TRPM3: variants seen among roughly 807,000 people sequenced by gnomAD.
TRPM3 encodes the protein transient receptor potential cation channel subfamily M member 3.
Under a neutral mutation model 181.2 loss-of-function variants are expected in TRPM3, and 77 were observed. That is an observed-to-expected ratio of 0.42 (90% confidence interval 0.35 to 0.51). The LOEUF is 0.51. Ranked by LOEUF, TRPM3 falls within the 20% of genes least tolerant of loss-of-function variation. The pLI, the probability that TRPM3 is intolerant of heterozygous loss-of-function variation, is 0.01. For missense variants in TRPM3, 1,759 were observed against 2,196.7 expected (o/e 0.80, Z 3.98); for synonymous variants, 745 against 796.4 (o/e 0.94, Z 1.09).
chr9:70,814,587 A>G (rs1453451529), intron 6 of TRPM3, among the ~76,000 whole-genome samples: 2 of 152,292 alleles, frequency 1.3e-5, no homozygotes, highest in East Asian at 1.9e-4. Flanking sequence ...AGTTTTATAC[A>G]CATCCTTTAT....
intron 9 of TRPM3, among the ~76,000 whole-genome samples, chr9:70,675,725 A>G (rs1185954779): frequency 1.3e-5 from 2 of 152,192 alleles, no homozygotes; most frequent in Non-Finnish European, 2.9e-5. Context: ...TGATTTCTAT[A>G]GATACTTTGT....
intron 1 of TRPM3, among the ~76,000 whole-genome samples, chr9:71,282,370 TGAAAGAAA>T (rs71493608): frequency 1.3e-5 from 1 of 74,868 alleles, no homozygotes; most frequent in Non-Finnish European, 2.6e-5. Context: ...AAAGAAAGAA[TGAAAGAAA>T]GAAAGAAAGG....
At chr9:70,896,668 G>A (rs975312999) in intron 1 of TRPM3, among the ~76,000 whole-genome samples, 1 of 152,080 alleles carries the variant, frequency 6.6e-6, no homozygotes, top group African/African-American at 2.4e-5. Context: ...ATCACAACTG[G>A]TATTCATTAT....
At chr9:70,774,091 C>T (rs1466204428) in intron 7 of TRPM3, 1 of 152,242 alleles carries the variant, frequency 6.6e-6, no homozygotes, top group Middle Eastern at 3.4e-3. Context: ...TACATCATTC[C>T]AGGAAGCCTC....
intron 1 of TRPM3, among the ~76,000 whole-genome samples, chr9:71,265,494 G>A (rs956318076): frequency 4.6e-5 from 7 of 152,164 alleles, no homozygotes; most frequent in African/African-American, 1.7e-4. Flanking sequence ...AATAGCTATT[G>A]CTTTTCTGTC....
At chr9:70,932,040 A>C (rs574105165) in intron 1 of TRPM3, among the ~76,000 whole-genome samples, 77 of 152,322 alleles carry the variant, frequency 5.1e-4, no homozygotes, top group African/African-American at 1.8e-3. Context: ...AGACTCAGGA[A>C]TAGCAAAGGA....
chr9:70,973,060 G>A (rs1483985046), intron 1 of TRPM3, among the ~76,000 whole-genome samples: 1 of 152,120 alleles, frequency 6.6e-6, no homozygotes, highest in East Asian at 1.9e-4. Context: ...AGATGAAACA[G>A]GTGAGACAAA....
chr9:70,687,681 T>C (rs765612181), intron 8 of TRPM3, among the ~76,000 whole-genome samples: 1 of 152,244 alleles, frequency 6.6e-6, no homozygotes, highest in Non-Finnish European at 1.5e-5. Flanking sequence ...CAAACTGATA[T>C]GGTCCCCTTT....
intron 1 of TRPM3, among the ~76,000 whole-genome samples, chr9:70,958,065 T>C (rs112196480): frequency 6.6e-6 from 1 of 152,206 alleles, no homozygotes; most frequent in East Asian, 1.9e-4. Flanking sequence ...GAAAGGAACA[T>C]GGGCTGACAA....
intron 1 of TRPM3, among the ~76,000 whole-genome samples, chr9:71,086,574 G>A (rs1301121944): frequency 2.0e-5 from 3 of 151,940 alleles, no homozygotes; most frequent in Admixed American, 1.3e-4. Flanking sequence ...ATCCTGTCAG[G>A]ATAAGAGGGA....
intron 1 of TRPM3, among the ~76,000 whole-genome samples, chr9:70,894,800 T>A (rs906372270): frequency 2.0e-5 from 3 of 152,198 alleles, no homozygotes; most frequent in Non-Finnish European, 4.4e-5. Flanking sequence ...CACTTAGTTA[T>A]ACAATATACC....
chr9:71,049,214 C>A (rs893459387), intron 1 of TRPM3, among the ~76,000 whole-genome samples: 1 of 152,038 alleles, frequency 6.6e-6, no homozygotes, highest in African/African-American at 2.4e-5. Flanking sequence ...TTATGAGGCA[C>A]AACCCGACTC....
chr9:70,754,569 C>G (rs2076730953), intron 8 of TRPM3, among the ~76,000 whole-genome samples: 2 of 152,016 alleles, frequency 1.3e-5, no homozygotes, highest in African/African-American at 4.8e-5. Context: ...AAATTGCAGG[C>G]CCAGGGAATA....
intron 1 of TRPM3, among the ~76,000 whole-genome samples, chr9:70,970,401 GT>G (rs1234303246): frequency 1.3e-5 from 2 of 152,084 alleles, no homozygotes; most frequent in Non-Finnish European, 2.9e-5. Context: ...AATTAAATCC[GT>G]ACAAAGGTTG....
chr9:70,740,933 C>T (rs1159084059), intron 8 of TRPM3, among the ~76,000 whole-genome samples: 2 of 152,160 alleles, frequency 1.3e-5, no homozygotes, highest in Non-Finnish European at 2.9e-5. Context: ...AACACGAAAG[C>T]AAATGCAACA....
At chr9:71,150,674 G>T (rs1365863096) in intron 1 of TRPM3, among the ~76,000 whole-genome samples, 1 of 151,834 alleles carries the variant, frequency 6.6e-6, no homozygotes, top group African/African-American at 2.4e-5. Context: ...AACCACAAAG[G>T]GCTAGTACTT....
intron 1 of TRPM3, among the ~76,000 whole-genome samples, chr9:70,906,312 G>A (rs78924661): frequency 0.06 from 9,094 of 152,080 alleles, 489 homozygotes; most frequent in African/African-American, 0.15. Context: ...AGAAAATCTC[G>A]AAATGGAAAT....
intron 1 of TRPM3, among the ~76,000 whole-genome samples, chr9:71,143,977 T>C (rs1587628596): frequency 6.6e-6 from 1 of 152,272 alleles, no homozygotes; most frequent in African/African-American, 2.4e-5. Flanking sequence ...GTTGGCCACA[T>C]ATATGTCTTC....
intron 1 of TRPM3, among the ~76,000 whole-genome samples, chr9:71,043,552 C>T (rs2059071393): frequency 6.6e-6 from 1 of 152,180 alleles, no homozygotes; most frequent in South Asian, 2.1e-4. Flanking sequence ...GTATTTTGGA[C>T]TTTCCTCCAT....
Sources: allele counts gnomAD v4.1 joint callset (sites outside exome capture counted in the v4.1 genomes callset), GRCh38; gene constraint gnomAD v4.1.1; transcripts MANE v1.5; gene names NCBI Gene and HGNC (gene_info 2026-07-23, HGNC 2026-07-21).